ARSL: variants seen among roughly 807,000 people sequenced by gnomAD.
The protein encoded by ARSL is arylsulfatase E (chondrodysplasia punctata 1).
In ARSL, 4 loss-of-function variants were observed where a neutral mutation model predicts 31.1. The ratio of observed to expected loss-of-function variants is 0.13; its 90% confidence interval spans 0.06 to 0.29. The LOEUF is 0.29. Ranked by LOEUF, ARSL falls within the 10% of genes least tolerant of loss-of-function variation. The probability of loss-of-function intolerance (pLI) is 1.00; values close to 1 mark genes in which losing one functional copy is unlikely to be tolerated. For missense variants in ARSL, 312 were observed against 497.8 expected (o/e 0.63, Z 3.55); for synonymous variants, 198 against 209.9 (o/e 0.94, Z 0.49).
At chrX:2,949,098 T>G (rs1302233249) in intron 6 of ARSL, among the ~76,000 whole-genome samples, 1 of 109,715 alleles carries the variant, frequency 9.1e-6, no homozygotes, top group African/African-American at 3.3e-5. Context: ...ATTGGGCTAA[T>G]TTTTGTATTT....
At chrX:2,945,793 G>T (rs1216601875) in intron 7 of ARSL, among the ~76,000 whole-genome samples, 2 of 112,270 alleles carry the variant, frequency 1.8e-5, no homozygotes, top group Non-Finnish European at 3.8e-5. Context: ...TGGCCGAATC[G>T]CATTGCCTCC....
At chrX:2,954,218 T>C (rs1431400151) in intron 4 of ARSL, among the ~76,000 whole-genome samples, 1 of 111,234 alleles carries the variant, frequency 9.0e-6, no homozygotes, top group Non-Finnish European at 1.9e-5. Flanking sequence ...GATTCTAACG[T>C]ACTGACAAGG....
upstream of ARSL, among the ~76,000 whole-genome samples, chrX:2,965,845 G>T (rs1262691509): frequency 8.9e-6 from 1 of 112,432 alleles, no homozygotes; most frequent in Non-Finnish European, 1.9e-5. Context: ...AGCTTGCAGT[G>T]AGCCGAGACT....
chrX:2,949,357 G>A lies in ARSL; in HGVS notation c.801C>T (p.Cys267=). 8.3e-7 allele frequency: 1 copy of A among 1,211,835 alleles called. No individual in the cohort carries two copies. The highest frequency in any genetic ancestry group is 1.1e-6 in the Non-Finnish European group (1 of 895,583). The part of the protein sequence containing the change: ...RNHTITEQPM[C]FQRTTPLILQ... ...GAATAAGGGGTGTCGTTCTTTGGAA[G>A]CACATGGGCTGCTCCGTGATGGTGT... The change falls in exon 6 of 11, where the codon TGC becomes TGT. Residue 267 remains cysteine (C), a synonymous_variant. Transcript: ENST00000381134.
chrX:2,947,243 G>A (rs765384896), intron 6 of ARSL, among the ~76,000 whole-genome samples: 1 of 110,950 alleles, frequency 9.0e-6, no homozygotes, highest in East Asian at 2.8e-4. Context: ...TTTCCCCCCC[G>A]AATATTATAA....
intron 2 of ARSL, 139 bp downstream of exon 2, chrX:2,960,239 A>T (rs1394673053): frequency 1.8e-5 from 5 of 272,594 alleles, no homozygotes; most frequent in Admixed American, 1.4e-4. Context: ...ACTGCACTCC[A>T]GCCTGGGCGA....
intron 5 of ARSL, 170 bp downstream of exon 5, chrX:2,952,973 T>C: frequency 1.9e-6 from 1 of 526,229 alleles, no homozygotes; most frequent in South Asian, 3.0e-5. Flanking sequence ...TTCTTGAGTA[T>C]CTACTTTGCA....
intron 5 of ARSL, among the ~76,000 whole-genome samples, chrX:2,952,254 TA>T (rs1201089651): frequency 2.7e-5 from 3 of 111,805 alleles, no homozygotes; most frequent in Non-Finnish European, 3.8e-5. Flanking sequence ...TATTTTTTCT[TA>T]TTTTTTTTTA....
intron 2 of ARSL, chrX:2,959,883 C>G (rs779500325): frequency 2.4e-4 from 78 of 319,143 alleles, no homozygotes; most frequent in South Asian, 7.3e-4. Flanking sequence ...TGGTGAGACC[C>G]TGTCTCTATA....
At chrX:2,935,306 G>A in intron 10 of ARSL, 116 bp from the exon 11 acceptor site, 1 of 657,892 alleles carries the variant, frequency 1.5e-6, no homozygotes, top group East Asian at 3.3e-5. Context: ...TCGATGGATG[G>A]ACAGATAAAC....
chrX:2,941,702 A>G (rs2089284809), intron 8 of ARSL, among the ~76,000 whole-genome samples: 1 of 112,007 alleles, frequency 8.9e-6, no homozygotes, highest in African/African-American at 3.2e-5. Flanking sequence ...TCTGGACCAA[A>G]CCAATGTGTC....
intron 7 of ARSL, 56 bp from the exon 8 acceptor site, chrX:2,943,255 G>C (rs2089306400): frequency 8.5e-7 from 1 of 1,181,429 alleles, no homozygotes; most frequent in South Asian, 1.8e-5. Context: ...CAGAAATGCA[G>C]CTCTGAAGTG....
In ARSL at chrX:2,949,653, G is replaced by T. The variant is rs1309014439; in HGVS notation, c.505C>A (p.His169Asn). The change falls in exon 6 of 11, where the codon CAT becomes AAT. Residue 169 changes from histidine (H) to asparagine (N), a missense_variant. Coordinates refer to ENST00000381134, the MANE Select transcript of ARSL (RefSeq NM_000047.3). ...AAGGAGAAAGGCATTCCGTAGAAATGGTCAAAGCCATGATGGAGAGGGTGG... is the reference window on the plus strand; with the variant it reads ...AAGGAGAAAGGCATTCCGTAGAAATTGTCAAAGCCATGATGGAGAGGGTGG... ...CHHPLHHGFDHFYGMPFSLMG... is the reference protein window; with the variant it reads ...CHHPLHHGFDNFYGMPFSLMG... The T allele has an allele frequency of 8.3e-7, 1 of 1,211,787 alleles. No homozygotes were observed. The highest frequency in any genetic ancestry group is 1.8e-5 in the South Asian group (1 of 56,935).
At position 2,936,994 on chromosome X, in the gene ARSL, G is replaced by T. The variant is rs751735757; in HGVS notation, c.1290-131C>A. 386 of 917,187 alleles carry T rather than the reference G, an allele frequency of 4.2e-4. 2 individuals carry two copies. In the East Asian group the frequency reaches 0.013, roughly 30 times the overall value. 75.6% of individuals were successfully genotyped at this position (917,187 alleles called of 1,213,427 possible). ...TTGTATCAGTGGAGGGAAAGTCTGG[G>T]TGTGAACGCAGATGGATGGAAGGCA... is the stretch of plus-strand genomic sequence containing the variant. On this transcript the variant is annotated intron_variant, in intron 9 of 10. Coordinates refer to ENST00000381134, the MANE Select transcript of ARSL (RefSeq NM_000047.3).
At chrX:2,945,796 T>C (rs2089370693) in intron 7 of ARSL, among the ~76,000 whole-genome samples, 1 of 112,348 alleles carries the variant, frequency 8.9e-6, no homozygotes, top group African/African-American at 3.2e-5. Flanking sequence ...CCGAATCGCA[T>C]TGCCTCCCGT....
chrX:2,948,412 G>A (rs2089414546), intron 6 of ARSL, among the ~76,000 whole-genome samples: 1 of 111,585 alleles, frequency 9.0e-6, no homozygotes, highest in Non-Finnish European at 1.9e-5. Flanking sequence ...CCCTTCAGGT[G>A]ATGCAGGTTA....
intron 2 of ARSL, among the ~76,000 whole-genome samples, 188 bp downstream of exon 2, chrX:2,960,190 A>C: frequency 1.3e-5 from 1 of 75,881 alleles, no homozygotes; most frequent in African/African-American, 4.9e-5. Context: ...AATGGTGTGA[A>C]CCCGGGAGGC....
intron 7 of ARSL, among the ~76,000 whole-genome samples, chrX:2,943,788 T>C (rs1490408521): frequency 1.0e-5 from 1 of 99,797 alleles, no homozygotes; most frequent in Non-Finnish European, 2.0e-5. Flanking sequence ...CATGTGAATA[T>C]TCCTGAGAAG....
chrX:2,966,884 A>G (rs1470633970), upstream of ARSL, among the ~76,000 whole-genome samples: 1 of 110,455 alleles, frequency 9.1e-6, no homozygotes, highest in Non-Finnish European at 1.9e-5. Flanking sequence ...ATGTGTTCAT[A>G]TATGTATGCT....
Sources: allele counts gnomAD v4.1 joint callset (sites outside exome capture counted in the v4.1 genomes callset), GRCh38; gene constraint gnomAD v4.1.1; transcripts MANE v1.5; gene names NCBI Gene and HGNC (gene_info 2026-07-23, HGNC 2026-07-21).